QTGAL: variants seen among roughly 807,000 people sequenced by gnomAD.
QTGAL encodes BGnT-like protein 1.
the QTGAL span, chr17:83,035,056 A>C: frequency 0.23 from 375,944 of 1,610,180 alleles, 45,318 homozygotes; most frequent in Non-Finnish European, 0.25. Context: ...AGCAAAGGTA[A>C]GACCCTGAGC....
chr17:82,981,873 C>T, the QTGAL span: 2 of 152,260 alleles, frequency 1.3e-5, no homozygotes, highest in Non-Finnish European at 2.9e-5. Context: ...ATACCGTATT[C>T]TTACAATGAA....
the QTGAL span, among the ~76,000 whole-genome samples, chr17:82,970,472 G>A: frequency 2.5e-4 from 38 of 151,890 alleles, no homozygotes; most frequent in Admixed American, 9.2e-4. Context: ...AGCTTCTGCC[G>A]TTTGCACGGT....
At chr17:82,984,977 C>T in the QTGAL span, among the ~76,000 whole-genome samples, 1 of 152,132 alleles carries the variant, frequency 6.6e-6, no homozygotes, top group Non-Finnish European at 1.5e-5. Flanking sequence ...CAGAAGGGCC[C>T]AAGGCAACCT....
At chr17:83,032,385 G>A in the QTGAL span, among the ~76,000 whole-genome samples, 1,844 of 35,310 alleles carry the variant, frequency 0.052, 98 homozygotes, top group African/African-American at 0.11. Context: ...CCCAGACCGA[G>A]CTCGGGAGCT....
At chr17:82,991,959 A>G in the QTGAL span, among the ~76,000 whole-genome samples, 2 of 152,204 alleles carry the variant, frequency 1.3e-5, no homozygotes, top group African/African-American at 4.8e-5. Flanking sequence ...GAATTGATCA[A>G]GCAGAAGAAT....
the QTGAL span, chr17:83,005,041 CA>C: frequency 1.6e-6 from 2 of 1,264,734 alleles, no homozygotes; most frequent in Non-Finnish European, 2.2e-6. This position sits in a 1 kb window ranked among gnomAD's most constrained non-coding sequence, Gnocchi z 5.6. Context: ...CACAAGAGGC[CA>C]CAGCATAATG....
chr17:82,999,949 TG>T, the QTGAL span, among the ~76,000 whole-genome samples: 13 of 152,146 alleles, frequency 8.5e-5, no homozygotes, highest in East Asian at 2.3e-3. Flanking sequence ...TGGTTTTTTT[TG>T]TTGTTGTTTT....
At chr17:82,964,892 G>A in the QTGAL span, among the ~76,000 whole-genome samples, 16 of 106,016 alleles carry the variant, frequency 1.5e-4, 1 homozygote, top group South Asian at 1.0e-3. Context: ...ACGGTGACAC[G>A]GACGCCTGCA....
At chr17:83,030,128 G>A in the QTGAL span, among the ~76,000 whole-genome samples, 4 of 152,148 alleles carry the variant, frequency 2.6e-5, no homozygotes, top group Non-Finnish European at 5.9e-5. Context: ...CTGGGCTCCT[G>A]AGATCCTAAG....
At chr17:83,015,736 T>C in the QTGAL span, among the ~76,000 whole-genome samples, 1 of 152,198 alleles carries the variant, frequency 6.6e-6, no homozygotes. The surrounding 1 kb of genome is among the most constrained non-coding windows in gnomAD (Gnocchi z 4.4). Flanking sequence ...AGCGGCTGCA[T>C]TAGACCCTCA....
chr17:83,014,536 A>G, the QTGAL span: 1 of 1,613,656 alleles, frequency 6.2e-7, no homozygotes, highest in Non-Finnish European at 8.5e-7. Flanking sequence ...TAAAGAACAC[A>G]CTTTCCGTTT....
chr17:82,944,384 G>C, the QTGAL span: 1 of 152,242 alleles, frequency 6.6e-6, no homozygotes, highest in African/African-American at 2.4e-5. Context: ...CCAGGTGATA[G>C]AGTTTGGCAA....
the QTGAL span, among the ~76,000 whole-genome samples, chr17:83,033,751 G>A: frequency 1.3e-5 from 2 of 152,090 alleles, no homozygotes; most frequent in East Asian, 1.9e-4. Flanking sequence ...GATTACAGGC[G>A]TGAGCCACCG....
At chr17:83,038,619 G>A in the QTGAL span, among the ~76,000 whole-genome samples, 1 of 152,190 alleles carries the variant, frequency 6.6e-6, no homozygotes. Flanking sequence ...AGCACTGTGG[G>A]AGGCCAAGGC....
the QTGAL span, among the ~76,000 whole-genome samples, chr17:82,983,259 G>A: frequency 5.5e-4 from 83 of 152,290 alleles, 1 homozygote; most frequent in African/African-American, 1.9e-3. Context: ...CAGTCTGGGC[G>A]ACAGAGCGAG....
At chr17:83,018,617 G>T in the QTGAL span, among the ~76,000 whole-genome samples, 15 of 152,210 alleles carry the variant, frequency 9.9e-5, no homozygotes, top group Non-Finnish European at 1.8e-4. Flanking sequence ...AAATTGGATA[G>T]AACGCCTCAT....
chr17:82,978,980 T>C, the QTGAL span, among the ~76,000 whole-genome samples: 7 of 152,252 alleles, frequency 4.6e-5, no homozygotes, highest in East Asian at 3.9e-4. This position sits in a 1 kb window ranked among gnomAD's most constrained non-coding sequence, Gnocchi z 4.8. Context: ...GCTGATGTAG[T>C]ATGTAAAGGG....
the QTGAL span, among the ~76,000 whole-genome samples, chr17:82,959,868 C>A: frequency 1.3e-5 from 2 of 152,064 alleles, no homozygotes; most frequent in East Asian, 1.9e-4. Context: ...GTATTTGGTT[C>A]ATCTTCATTT....
At chr17:83,034,186 T>C in the QTGAL span, among the ~76,000 whole-genome samples, 15 of 150,638 alleles carry the variant, frequency 1.0e-4, no homozygotes, top group Middle Eastern at 3.4e-3. Context: ...GTGATCCATC[T>C]GCCTCGGCCT....
Sources: gnomAD v4.1 joint callset for allele counts (sites outside exome capture counted in the v4.1 genomes callset) on GRCh38, gnomAD v4.1.1 for gene constraint, Gnocchi (gnomAD v3.1) non-coding constraint, MANE v1.5 for transcripts, NCBI Gene and HGNC (gene_info 2026-07-23, HGNC 2026-07-21) for gene names.